Variants in NXNL2 observed in about 807,000 individuals in gnomAD.
The protein encoded by NXNL2 is nucleoredoxin like 2, also known as nucleoredoxin-like protein 2.
Under a neutral mutation model 11.1 loss-of-function variants are expected in NXNL2, and 7 were observed. The observed-to-expected ratio is 0.63, with a 90% CI of 0.36 to 1.18. The LOEUF (loss-of-function observed/expected upper bound fraction) is 1.18, where lower values mean the gene tolerates loss of function less well. Among genes scored for constraint, NXNL2 ranks in the 50% most tolerant of loss-of-function variants. The pLI, the probability that NXNL2 is intolerant of heterozygous loss-of-function variation, is 0.02. For synonymous variants in NXNL2, 109 were observed against 101.8 expected (o/e 1.07, Z -0.42); for missense variants, 233 against 217.7 (o/e 1.07, Z -0.44).
At chr9:88,552,132 TG>T (rs1361043219) in intron 1 of NXNL2, among the ~76,000 whole-genome samples, 1 of 152,174 alleles carries the variant, frequency 6.6e-6, no homozygotes, top group African/African-American at 2.4e-5. Context: ...ATAAACCAGT[TG>T]GTTCTCACAT....
chr9:88,549,031 A>C (rs1222918306), downstream of NXNL2, among the ~76,000 whole-genome samples: 2 of 152,200 alleles, frequency 1.3e-5, no homozygotes, highest in African/African-American at 2.4e-5. Context: ...CAGCCTCCAA[A>C]ACTGTGAGCA....
At chr9:88,545,953 G>A (rs1214354793), downstream of NXNL2, among the ~76,000 whole-genome samples, 9 of 151,990 alleles carry the variant, frequency 5.9e-5, no homozygotes, top group African/African-American at 9.7e-5. Context: ...TTTTAGTAGA[G>A]ACAGGGTTTC....
chr9:88,536,690 T>C (rs1323992680), intron 1 of NXNL2, among the ~76,000 whole-genome samples: 1 of 152,248 alleles, frequency 6.6e-6, no homozygotes, highest in Non-Finnish European at 1.5e-5. Flanking sequence ...AACTGGAAGC[T>C]AACTTTGGAA....
chr9:88,540,935 ATTTTTTTTTTTTTT>A (rs71507764), intron 1 of NXNL2, among the ~76,000 whole-genome samples: 9 of 91,074 alleles, frequency 9.9e-5, no homozygotes, highest in Non-Finnish European at 1.6e-4. Context: ...ATCTCAGTAG[ATTTTTTTTTTTTTT>A]TTTTTTTTTT....
rs1830180517 is a variant in NXNL2 at position 88,566,977 on chromosome 9, T to TATCTATCTATCTA, written c.303-4109_303-4097dup. Among the ~76,000 whole-genome samples, 3 of 120,692 alleles carry TATCTATCTATCTA rather than the reference T, an allele frequency of 2.5e-5. No individual in the cohort carries two copies. The South Asian group carries it at 8.1e-4, about 33-fold the overall frequency. 79.2% of individuals were successfully genotyped at this position (120,692 alleles called of 152,430 possible). On this transcript the variant is annotated intron_variant, in intron 1 of 2. Transcript: ENST00000375855. The stretch of plus-strand genomic sequence containing the variant: ...TATCATCTTTCTATTATCTATCATC[T>TATCTATCTATCTA]ATCTATCTATCTATCTATCTATCTA...
intron 1 of NXNL2, chr9:88,570,941 C>A (rs1398946532): frequency 1.4e-5 from 4 of 282,020 alleles, no homozygotes; most frequent in Non-Finnish European, 2.8e-5. Context: ...CAGGGTTTCA[C>A]CATGTTGGCC....
intron 2 of NXNL2, among the ~76,000 whole-genome samples, chr9:88,573,564 C>T (rs1025870287): frequency 6.6e-6 from 1 of 152,174 alleles, no homozygotes; most frequent in Non-Finnish European, 1.5e-5. Context: ...TATATAGGAT[C>T]ATCACACTAG....
chr9:88,577,623 A>AAGAGAGAGAGAGAGAGAG (rs5899044), downstream of NXNL2, among the ~76,000 whole-genome samples: 1 of 149,394 alleles, frequency 6.7e-6, no homozygotes, highest in Admixed American at 6.7e-5. Context: ...TGGAGAGAGA[A>AAGAGAGAGAGAGAGAGAG]AGAGAGAGAG....
At chr9:88,554,039 C>T (rs903274754) in intron 1 of NXNL2, among the ~76,000 whole-genome samples, 9 of 151,804 alleles carry the variant, frequency 5.9e-5, no homozygotes, top group African/African-American at 1.9e-4. Context: ...TGGTTCTTCT[C>T]TCTCCAGGCC....
chr9:88,546,237 G>A (rs1010445073), downstream of NXNL2, among the ~76,000 whole-genome samples: 1 of 151,740 alleles, frequency 6.6e-6, no homozygotes, highest in African/African-American at 2.4e-5. Flanking sequence ...AAACGTGCTT[G>A]TAACTGCCAA....
chr9:88,545,932 A>G (rs949405914), downstream of NXNL2, among the ~76,000 whole-genome samples: 1 of 151,858 alleles, frequency 6.6e-6, no homozygotes, highest in Non-Finnish European at 1.5e-5. Context: ...ACGCCCAGCG[A>G]ATTTTTGTAT....
downstream of NXNL2, among the ~76,000 whole-genome samples, chr9:88,580,055 G>A (rs894488992): frequency 5.9e-5 from 9 of 151,878 alleles, no homozygotes; most frequent in Admixed American, 4.6e-4. Flanking sequence ...CAGGAGAATC[G>A]CTTGAACTGG....
chr9:88,561,171 G>C (rs1399337483), intron 1 of NXNL2, among the ~76,000 whole-genome samples: 5 of 152,154 alleles, frequency 3.3e-5, no homozygotes, highest in Non-Finnish European at 5.9e-5. Context: ...CATCTAATCA[G>C]CTGCCAGTGA....
At chr9:88,552,271 C>T (rs1014141318) in intron 1 of NXNL2, among the ~76,000 whole-genome samples, 5 of 152,092 alleles carry the variant, frequency 3.3e-5, no homozygotes, top group Admixed American at 3.3e-4. Flanking sequence ...ATTAAAAAAA[C>T]AAATCCCTTT....
At chr9:88,578,208 G>T (rs567558718), downstream of NXNL2, among the ~76,000 whole-genome samples, 1 of 152,334 alleles carries the variant, frequency 6.6e-6, no homozygotes, top group Admixed American at 6.5e-5. Context: ...CTGGACGCAG[G>T]ATAAGAGACA....
At chr9:88,582,596 CT>C (rs1830420843) in intron 1 of NXNL2, among the ~76,000 whole-genome samples, 1 of 151,816 alleles carries the variant, frequency 6.6e-6, no homozygotes, top group African/African-American at 2.4e-5. Flanking sequence ...ACAATCCTTC[CT>C]TCCTTCCTTC....
At chr9:88,552,337 G>A (rs1829946659) in intron 1 of NXNL2, among the ~76,000 whole-genome samples, 1 of 151,314 alleles carries the variant, frequency 6.6e-6, no homozygotes, top group African/African-American at 2.4e-5. Flanking sequence ...TGTTTAAACT[G>A]CCTATTTGCC....
chr9:88,543,226 G>A (rs899639221), intron 1 of NXNL2, among the ~76,000 whole-genome samples: 6 of 152,026 alleles, frequency 3.9e-5, no homozygotes, highest in African/African-American at 1.4e-4. Context: ...AGGGTGGAAA[G>A]TCAAGTGAAG....
At chr9:88,564,293 C>CTATCTAT (rs1830135612) in intron 1 of NXNL2, among the ~76,000 whole-genome samples, 1 of 128,084 alleles carries the variant, frequency 7.8e-6, no homozygotes, top group African/African-American at 3.4e-5. Flanking sequence ...TATTATCTAT[C>CTATCTAT]TATCTATCTA....
Sources: gnomAD v4.1 joint callset for allele counts (sites outside exome capture counted in the v4.1 genomes callset) on GRCh38, gnomAD v4.1.1 for gene constraint, MANE v1.5 for transcripts, NCBI Gene and HGNC (gene_info 2026-07-23, HGNC 2026-07-21) for gene names.